The following MCM6 variants were observed in gnomAD, a reference collection of about 807,000 sequenced individuals.
MCM6 encodes minichromosome maintenance complex component 6.
A neutral mutation model predicts 94.3 loss-of-function variants in MCM6; 46 were observed. That is an observed-to-expected ratio of 0.49 (90% confidence interval 0.39 to 0.62). MCM6 has a LOEUF of 0.62. Among genes scored for constraint, MCM6 ranks in the 20% least tolerant of loss-of-function variants. The pLI is 0.00. For missense variants in MCM6, 865 were observed against 1,017.9 expected (o/e 0.85, Z 2.04); for synonymous variants, 335 against 351.9 (o/e 0.95, Z 0.54).
At chr2:135,842,376 A>T (rs1300265622) in intron 16 of MCM6, among the ~76,000 whole-genome samples, 2 of 152,160 alleles carry the variant, frequency 1.3e-5, no homozygotes, top group African/African-American at 2.4e-5. Flanking sequence ...ACCCCAATAC[A>T]TGACCTCTGT....
intron 11 of MCM6, among the ~76,000 whole-genome samples, chr2:135,855,781 T>C (rs1022226598): frequency 2.6e-5 from 4 of 152,216 alleles, no homozygotes; most frequent in African/African-American, 7.2e-5. Flanking sequence ...CAATAAAATG[T>C]AGAACCTCAA....
intron 7 of MCM6, among the ~76,000 whole-genome samples, chr2:135,863,424 T>G (rs1345847524): frequency 6.6e-6 from 1 of 152,152 alleles, no homozygotes; most frequent in African/African-American, 2.4e-5. Flanking sequence ...AGCAGAAAAT[T>G]AGGCTGGGTG....
chr2:135,840,995 T>C (rs773148740), intron 16 of MCM6, 44 bp from the exon 17 acceptor site: 1 of 1,380,206 alleles, frequency 7.2e-7, no homozygotes, highest in Non-Finnish European at 1.0e-6. Context: ...AGCAGTATTA[T>C]ACCAATGTCC....
intron 16 of MCM6, among the ~76,000 whole-genome samples, chr2:135,842,065 A>G (rs1455078858): frequency 6.6e-6 from 1 of 152,160 alleles, no homozygotes; most frequent in Non-Finnish European, 1.5e-5. Flanking sequence ...AGATCATGCT[A>G]CTGCACTCCA....
intron 14 of MCM6, 143 bp from the exon 15 acceptor site, chr2:135,846,535 G>A: frequency 1.5e-6 from 1 of 680,846 alleles, no homozygotes; most frequent in South Asian, 2.0e-5. Context: ...TAGAGACAGG[G>A]TCTTGCTATG....
chr2:135,843,507 C>T lies in MCM6; in HGVS notation c.2349+1038G>A, dbSNP rs369769414. Among the ~76,000 whole-genome samples the T allele has an allele frequency of 9.2e-5, 14 of 151,832 alleles. No homozygotes were observed. In the South Asian group the frequency reaches 1.9e-3, roughly 20 times the overall value. On this transcript the variant is annotated intron_variant, in intron 16 of 16. Coordinates refer to ENST00000264156, the MANE Select transcript of MCM6 (RefSeq NM_005915.6). ...CAGCAGTTTGGGAGGCCAAAGTGAG[C>T]GTATCGCCTGAGGTTAGGAGTTCTA...
chr2:135,840,773 G>A lies in MCM6; in HGVS notation c.*62C>T, dbSNP rs1679553464. 2 of 1,148,272 alleles carry A rather than the reference G, an allele frequency of 1.7e-6. No homozygotes were observed. Among genetic ancestry groups the A allele is most frequent in the Admixed American group, 1.7e-5 (1 of 58,606 alleles). 71.1% of individuals were successfully genotyped at this position (1,148,272 alleles called of 1,614,324 possible). A position where few individuals can be genotyped will look rare whatever the true frequency, so the allele number is the denominator to read the frequency against. On this transcript the variant is annotated 3_prime_UTR_variant, in exon 17 of 17. Coordinates refer to ENST00000264156, the MANE Select transcript of MCM6 (RefSeq NM_005915.6). ...TCTGTCCCTAGCAGAGCTCCAGCCA[G>A]GCTCCAGGCCACGAGGTGCTGTGCC... is the stretch of plus-strand genomic sequence containing the variant.
chr2:135,864,916 TCA>T (rs745592071), intron 7 of MCM6, 95 bp downstream of exon 7: 54 of 995,128 alleles, frequency 5.4e-5, no homozygotes, highest in Middle Eastern at 2.5e-4. Flanking sequence ...CTAAAAACTT[TCA>T]CAGTCTGATT....
chr2:135,857,962 C>T lies in MCM6; in HGVS notation c.1405G>A (p.Asp469Asn). Residue 469 changes from aspartate (D) to asparagine (N), a missense_variant, in exon 10 of 17, where the codon GAT (aspartate) becomes AAT (asparagine). By Grantham distance (23) the Asp-to-Asn change is conservative (BLOSUM62 1). Around this residue, in one of 3 missense-constraint regions of MCM6, gnomAD observed 153 missense variants for 241.5 expected, o/e 0.63. Transcript: ENST00000264156. ...IDEFDKMDVR[D>N]QVAIHEAMEQ... ...ATAGCTTCATGAATAGCAACTTGAT[C>T]CCGCACGTCCATCTTATCAAATTCA... The T allele has an allele frequency of 6.2e-7, 1 of 1,613,970 alleles. No homozygotes were observed. The highest frequency in any genetic ancestry group is 8.5e-7 in the Non-Finnish European group (1 of 1,180,034).
At chr2:135,863,626 G>A (rs1044491542) in intron 7 of MCM6, among the ~76,000 whole-genome samples, 6 of 152,032 alleles carry the variant, frequency 3.9e-5, no homozygotes, top group South Asian at 2.1e-4. Flanking sequence ...AGCTAATTTC[G>A]GGGCTGTGGT....
At chr2:135,851,279 A>G in intron 13 of MCM6, 123 bp downstream of exon 13, 1 of 710,968 alleles carries the variant, frequency 1.4e-6, no homozygotes, top group Non-Finnish European at 2.2e-6. Flanking sequence ...TGGTCGTATG[A>G]GCATTCAACA....
At chr2:135,858,089 C>T in intron 9 of MCM6, 85 bp from the exon 10 acceptor site, 1 of 1,250,056 alleles carries the variant, frequency 8.0e-7, no homozygotes. Context: ...CTTTGGGAGG[C>T]CAAGGCAGGA....
At chr2:135,870,625 T>G (rs938950265) in intron 2 of MCM6, among the ~76,000 whole-genome samples, 17 of 152,218 alleles carry the variant, frequency 1.1e-4, no homozygotes, top group African/African-American at 3.6e-4. Flanking sequence ...GCACCCACAC[T>G]GTTGGCCATT....
rs1338323036 is a variant in MCM6 at position 135,858,923 on chromosome 2, G to A, written c.1362+378C>T. Reference sequence around the variant, plus strand: ...TTTGGTTTTTTTGAGACAGAGTCTCGCTCTGTCACCCAGGCTGGAGTGCAG... The same window carrying A: ...TTTGGTTTTTTTGAGACAGAGTCTCACTCTGTCACCCAGGCTGGAGTGCAG... On this transcript the variant is annotated intron_variant, in intron 9 of 16. Transcript: ENST00000264156. Among the ~76,000 whole-genome samples the A allele has an allele frequency of 3.3e-5, 5 of 151,920 alleles. No homozygotes were observed. In the East Asian group the frequency reaches 7.7e-4, roughly 23 times the overall value.
chr2:135,867,905 T>C (rs188817000), intron 4 of MCM6, among the ~76,000 whole-genome samples: 246 of 152,164 alleles, frequency 1.6e-3, no homozygotes, highest in Admixed American at 3.1e-3. Context: ...TGGGCACCTG[T>C]AGTCCCAGCT....
intron 9 of MCM6, among the ~76,000 whole-genome samples, chr2:135,858,511 T>C (rs935759611): frequency 6.6e-6 from 1 of 152,118 alleles, no homozygotes; most frequent in South Asian, 2.1e-4. Flanking sequence ...GTCTTTCAGA[T>C]GGAAAATTAC....
chr2:135,853,308 G>T (rs1303283052), intron 11 of MCM6, among the ~76,000 whole-genome samples: 1 of 152,170 alleles, frequency 6.6e-6, no homozygotes, highest in Non-Finnish European at 1.5e-5. Flanking sequence ...GCTGGGCATG[G>T]TGGTGCACAT....
intron 15 of MCM6, 56 bp from the exon 16 acceptor site, chr2:135,844,740 GGTA>G: frequency 6.9e-7 from 1 of 1,457,742 alleles, no homozygotes; most frequent in Admixed American, 2.5e-5. Context: ...TCAGTCCTTG[GGTA>G]AATCTCTGCC....
chr2:135,846,157 G>A, intron 15 of MCM6, 80 bp downstream of exon 15: 1 of 1,401,870 alleles, frequency 7.1e-7, no homozygotes, highest in East Asian at 2.3e-5. Context: ...ACAACACGAA[G>A]TTTGGCAATC....
Sources: gnomAD v4.1 joint callset for allele counts (sites outside exome capture counted in the v4.1 genomes callset) on GRCh38, gnomAD v4.1.1 for gene constraint, gnomAD v4.1.1 regional missense constraint, MANE v1.5 for transcripts, NCBI Gene and HGNC (gene_info 2026-07-23, HGNC 2026-07-21) for gene names.